UNC79: variants seen among roughly 807,000 people sequenced by gnomAD.
UNC79 encodes unc-79 subunit of NALCN channel complex.
In UNC79, 37 loss-of-function variants were observed where a neutral mutation model predicts 283.1. The observed-to-expected ratio is 0.13, with a 90% CI of 0.10 to 0.17. The LOEUF (loss-of-function observed/expected upper bound fraction) is 0.17, where lower values mean the gene tolerates loss of function less well. Ranked by LOEUF, UNC79 falls within the 10% of genes least tolerant of loss-of-function variation. The pLI is 1.00. For missense variants in UNC79, 2,272 were observed against 3,211.1 expected (o/e 0.71, Z 7.07); for synonymous variants, 1,107 against 1,200.2 (o/e 0.92, Z 1.61).
chr14:93,681,661 C>G (rs2073856366), intron 41 of UNC79, among the ~76,000 whole-genome samples: 1 of 152,182 alleles, frequency 6.6e-6, no homozygotes, highest in South Asian at 2.1e-4. Flanking sequence ...CTCTGCACAG[C>G]AGCAGTTTCA....
chr14:93,610,809 T>C (rs112753428), intron 26 of UNC79, among the ~76,000 whole-genome samples: 757 of 152,168 alleles, frequency 5.0e-3, no homozygotes, highest in Non-Finnish European at 8.5e-3. Context: ...CCAGGTCTTG[T>C]CATGTTGCCT....
chr14:93,387,688 G>A (rs186514716), intron 1 of UNC79, among the ~76,000 whole-genome samples: 1 of 152,288 alleles, frequency 6.6e-6, no homozygotes, highest in African/African-American at 2.4e-5. Context: ...TGATCCATAT[G>A]CTGAAGAAAA....
intron 1 of UNC79, among the ~76,000 whole-genome samples, chr14:93,385,809 T>G (rs2054762045): frequency 6.6e-6 from 1 of 152,068 alleles, no homozygotes; most frequent in South Asian, 2.1e-4. Context: ...TATTGATTTT[T>G]GTATGTTGAT....
In UNC79 at chr14:93,696,379, A is replaced by T. The variant is rs569489445; in HGVS notation, c.7548+1967A>T. Among the ~76,000 whole-genome samples the T allele has an allele frequency of 5.3e-5, 8 of 152,324 alleles. 2 individuals carry two copies. The highest frequency in any genetic ancestry group is 1.7e-4 in the African/African-American group (7 of 41,578). ...CAGATGTATATTTACCTTTAAAAAAATTGTTTTCCAAACCATTTTCCAAAG... is the reference window on the plus strand; with the variant it reads ...CAGATGTATATTTACCTTTAAAAAATTTGTTTTCCAAACCATTTTCCAAAG... On this transcript the variant is annotated intron_variant, in intron 47 of 48. Coordinates refer to ENST00000555664, the Ensembl canonical transcript of UNC79.
intron 1 of UNC79, among the ~76,000 whole-genome samples, chr14:93,456,515 G>A (rs974392048): frequency 6.6e-6 from 1 of 152,114 alleles, no homozygotes; most frequent in Non-Finnish European, 1.5e-5. Flanking sequence ...TCCAACAGAG[G>A]AAGGGAATCT....
chr14:93,640,779 A>G (rs1054077910), intron 32 of UNC79, among the ~76,000 whole-genome samples: 4 of 152,214 alleles, frequency 2.6e-5, no homozygotes, highest in African/African-American at 9.7e-5. Flanking sequence ...TCATATGGGA[A>G]GTTTCCATTT....
At chr14:93,660,322 TTAG>T (rs2071402446) in intron 39 of UNC79, among the ~76,000 whole-genome samples, 1 of 151,668 alleles carries the variant, frequency 6.6e-6, no homozygotes, top group Non-Finnish European at 1.5e-5. Flanking sequence ...ACATAGCTGG[TTAG>T]TAGAAGATTT....
intron 1 of UNC79, among the ~76,000 whole-genome samples, chr14:93,449,812 T>C (rs1257050680): frequency 6.6e-6 from 1 of 152,108 alleles, no homozygotes; most frequent in African/African-American, 2.4e-5. Flanking sequence ...GAATGATAAA[T>C]GAAAATGTTA....
chr14:93,392,594 C>G (rs994598236), intron 1 of UNC79, among the ~76,000 whole-genome samples: 4 of 152,174 alleles, frequency 2.6e-5, no homozygotes, highest in Non-Finnish European at 5.9e-5. Flanking sequence ...GTCACATATT[C>G]AAACAAGCTA....
At chr14:93,532,187 G>C (rs908256865) in intron 10 of UNC79, among the ~76,000 whole-genome samples, 4 of 151,988 alleles carry the variant, frequency 2.6e-5, no homozygotes, top group African/African-American at 7.3e-5. Context: ...CTCTAGACCT[G>C]GCATGGTGGC....
At chr14:93,416,486 A>G (rs1197358559) in intron 1 of UNC79, among the ~76,000 whole-genome samples, 1 of 152,110 alleles carries the variant, frequency 6.6e-6, no homozygotes, top group African/African-American at 2.4e-5. Flanking sequence ...GCTGAAAAAA[A>G]TGTATATTCT....
chr14:93,610,607 C>CT (rs2066229977), intron 26 of UNC79, among the ~76,000 whole-genome samples: 1 of 151,322 alleles, frequency 6.6e-6, no homozygotes, highest in Non-Finnish European at 1.5e-5. Flanking sequence ...CTTTTCTTTT[C>CT]TTTCTTTCTT....
chr14:93,638,562 C>T (rs1229536655), intron 32 of UNC79, among the ~76,000 whole-genome samples: 1 of 152,190 alleles, frequency 6.6e-6, no homozygotes, highest in Non-Finnish European at 1.5e-5. Flanking sequence ...TTTTTCCTGT[C>T]TCCAAGACTC....
chr14:93,670,132 C>A (rs189402800), intron 40 of UNC79, among the ~76,000 whole-genome samples: 1 of 152,306 alleles, frequency 6.6e-6, no homozygotes, highest in East Asian at 1.9e-4. Context: ...AAACTCAAGC[C>A]ATGTTTTTCC....
rs1427059729 is a variant in UNC79, at chr14:93,540,838, A to C, written c.1524+7A>C. The stretch of plus-strand genomic sequence containing the variant: ...ATTCGGAATATGGTTCTTAGTAAGA[A>C]AAAGAAGTTAACTATTCTCCACTTT... On this transcript the variant is annotated splice_region_variant and intron_variant, in intron 13 of 48. Coordinates refer to ENST00000555664, the Ensembl canonical transcript of UNC79. 1 of 1,611,388 alleles carries C rather than the reference A, an allele frequency of 6.2e-7. No homozygotes were observed. The highest frequency in any genetic ancestry group is 1.1e-5 in the South Asian group (1 of 90,498).
At chr14:93,676,634 T>C (rs2073364428) in intron 41 of UNC79, among the ~76,000 whole-genome samples, 1 of 152,222 alleles carries the variant, frequency 6.6e-6, no homozygotes, top group South Asian at 2.1e-4. Flanking sequence ...GCTGATCTTC[T>C]TGGGGTCTAG....
At chr14:93,558,513 G>A (rs952161133) in intron 14 of UNC79, among the ~76,000 whole-genome samples, 16 of 145,858 alleles carry the variant, frequency 1.1e-4, no homozygotes, top group African/African-American at 4.1e-4. Context: ...CCGAGATCGC[G>A]CCACTGCACT....
rs964290569 is a variant in UNC79, at chr14:93,450,134, G to T, written c.23-17537G>T. Among the ~76,000 whole-genome samples the T allele has an allele frequency of 2.6e-5, 4 of 151,976 alleles. No individual in the cohort carries two copies. In the East Asian group the frequency reaches 5.8e-4, roughly 22 times the overall value. Reference sequence around the variant, plus strand: ...GAGGCTTTGCAGTGCTGTTGTGTAGGCCGGGGGACCTCTGACCAAAAATGT... The same window carrying T: ...GAGGCTTTGCAGTGCTGTTGTGTAGTCCGGGGGACCTCTGACCAAAAATGT... On this transcript the variant is annotated intron_variant, in intron 1 of 48. Transcript: ENST00000555664.
chr14:93,641,060 A>C, intron 32 of UNC79, 85 bp from the exon 36 acceptor site: 2 of 1,093,050 alleles, frequency 1.8e-6, no homozygotes, highest in Non-Finnish European at 2.7e-6. Flanking sequence ...TGATCTTTGG[A>C]GGGTTTCTAA....
Sources: allele counts gnomAD v4.1 joint callset (sites outside exome capture counted in the v4.1 genomes callset), GRCh38; gene constraint gnomAD v4.1.1; transcripts MANE v1.5; gene names NCBI Gene and HGNC (gene_info 2026-07-23, HGNC 2026-07-21).